Variants in SPIDR observed in about 807,000 individuals in gnomAD.
SPIDR encodes scaffold protein involved in DNA repair, also known as DNA repair-scaffolding protein.
In SPIDR, 93 loss-of-function variants were observed where a neutral mutation model predicts 104.6. The observed-to-expected ratio is 0.89, with a 90% confidence interval of 0.75 to 1.06. SPIDR has a LOEUF of 1.06. Ranked by LOEUF, SPIDR falls within the 50% of genes least tolerant of loss-of-function variation. SPIDR has a pLI of 0.00. For synonymous variants in SPIDR, 431 were observed against 416.9 expected (o/e 1.03, Z -0.41); for missense variants, 1,154 against 1,111.2 (o/e 1.04, Z -0.55).
chr8:47,659,014 T>C (rs1197779589), intron 10 of SPIDR, among the ~76,000 whole-genome samples: 1 of 151,350 alleles, frequency 6.6e-6, no homozygotes, highest in African/African-American at 2.4e-5. Flanking sequence ...TCCCAGCACA[T>C]TGGGAGGCTG....
At chr8:47,562,027 C>T (rs548272475) in intron 8 of SPIDR, among the ~76,000 whole-genome samples, 2 of 152,134 alleles carry the variant, frequency 1.3e-5, no homozygotes, top group Non-Finnish European at 2.9e-5. Context: ...TTATAATGTT[C>T]ACTTCTTTTA....
At chr8:47,372,805 T>C (rs2058196585) in intron 5 of SPIDR, among the ~76,000 whole-genome samples, 1 of 152,212 alleles carries the variant, frequency 6.6e-6, no homozygotes, top group Non-Finnish European at 1.5e-5. Flanking sequence ...ATTGGGCTTC[T>C]AGTGTACCCA....
At chr8:47,733,441 T>C (rs1445075844) in intron 19 of SPIDR, among the ~76,000 whole-genome samples, 1 of 152,200 alleles carries the variant, frequency 6.6e-6, no homozygotes, top group Non-Finnish European at 1.5e-5. Flanking sequence ...TAGCCAAACC[T>C]AACATTTTAC....
At chr8:47,520,126 T>G (rs2083829592) in intron 8 of SPIDR, among the ~76,000 whole-genome samples, 1 of 152,214 alleles carries the variant, frequency 6.6e-6, no homozygotes, top group African/African-American at 2.4e-5. Flanking sequence ...TGTTATTTGA[T>G]TCCCACTTAG....
intron 10 of SPIDR, chr8:47,673,574 G>A: frequency 1.7e-6 from 1 of 589,278 alleles, no homozygotes; most frequent in South Asian, 1.7e-5. Flanking sequence ...CATACAGAAA[G>A]GATATCTTGA....
chr8:47,598,112 A>G (rs991688467), intron 9 of SPIDR, among the ~76,000 whole-genome samples: 1 of 152,258 alleles, frequency 6.6e-6, no homozygotes, highest in Non-Finnish European at 1.5e-5. Context: ...CCCAGAGCAC[A>G]TTACTGTTTT....
chr8:47,611,919 G>A (rs774929468), intron 10 of SPIDR, among the ~76,000 whole-genome samples: 2 of 152,174 alleles, frequency 1.3e-5, no homozygotes, highest in Non-Finnish European at 2.9e-5. Context: ...GAGCCGTCAA[G>A]AGGTAGCTTG....
At position 47,688,016 on chromosome 8, in the gene SPIDR, AG is replaced by A. The variant is rs1221065103; in HGVS notation, c.1686-12386del. Among the ~76,000 whole-genome samples the A allele has an allele frequency of 3.3e-3, 478 of 145,762 alleles. 7 individuals are homozygous for A. Among genetic ancestry groups the A allele is most frequent in the African/African-American group, 0.011 (451 of 39,852 alleles). On this transcript the variant is annotated intron_variant, in intron 11 of 19. Coordinates refer to ENST00000297423, the MANE Select transcript of SPIDR (RefSeq NM_001080394.4). ...TGAGACCTGGCTGTCAAAAAAAAAA[AG>A]TGTGTGTGTGTGTGTGTGTGTGTGT...
chr8:47,486,048 C>A (rs1554730959), intron 8 of SPIDR, among the ~76,000 whole-genome samples: 1 of 152,180 alleles, frequency 6.6e-6, no homozygotes, highest in African/African-American at 2.4e-5. Context: ...GATGATCAAA[C>A]TTCTCTGAGC....
chr8:47,511,350 G>C, intron 8 of SPIDR: 1 of 1,103,968 alleles, frequency 9.1e-7, no homozygotes, highest in East Asian at 2.3e-5. Flanking sequence ...TCAACACCTA[G>C]GGGGCAGTGC....
chr8:47,418,571 A>T (rs779144498), intron 7 of SPIDR, among the ~76,000 whole-genome samples: 84 of 152,278 alleles, frequency 5.5e-4, no homozygotes, highest in Non-Finnish European at 7.8e-4. Context: ...GCAAACAGGG[A>T]CAATTTGACT....
At chr8:47,337,944 C>G (rs1473141712) in intron 5 of SPIDR, among the ~76,000 whole-genome samples, 1 of 152,148 alleles carries the variant, frequency 6.6e-6, no homozygotes, top group Non-Finnish European at 1.5e-5. Flanking sequence ...GTCTATATGT[C>G]TATCCTCATG....
chr8:47,403,888 G>A (rs561463778), intron 6 of SPIDR, among the ~76,000 whole-genome samples: 1 of 152,264 alleles, frequency 6.6e-6, no homozygotes, highest in South Asian at 2.1e-4. Flanking sequence ...GAGCCGCATT[G>A]CCAAGACAAT....
intron 8 of SPIDR, chr8:47,511,539 T>C (rs1564188977): frequency 1.3e-6 from 1 of 781,908 alleles, no homozygotes; most frequent in East Asian, 2.4e-5. Flanking sequence ...CGGATGGGTC[T>C]CAGTAGCTTC....
At chr8:47,462,408 A>G (rs935988858) in intron 8 of SPIDR, among the ~76,000 whole-genome samples, 2 of 152,124 alleles carry the variant, frequency 1.3e-5, no homozygotes, top group African/African-American at 4.8e-5. Context: ...TCTGGAGCCA[A>G]AGTTCATGAT....
intron 8 of SPIDR, among the ~76,000 whole-genome samples, chr8:47,578,445 C>T (rs1448083882): frequency 1.3e-5 from 2 of 151,972 alleles, no homozygotes; most frequent in African/African-American, 4.8e-5. Flanking sequence ...GCACTCCAGC[C>T]TGGGCAGCAG....
At chr8:47,472,611 T>C (rs1256572479) in intron 8 of SPIDR, among the ~76,000 whole-genome samples, 3 of 152,222 alleles carry the variant, frequency 2.0e-5, no homozygotes, top group Non-Finnish European at 4.4e-5. Context: ...TCTGAAAGAA[T>C]GTGAGTTATT....
intron 5 of SPIDR, among the ~76,000 whole-genome samples, chr8:47,317,285 A>G (rs1318780442): frequency 6.6e-6 from 1 of 152,164 alleles, no homozygotes; most frequent in Admixed American, 6.5e-5. Flanking sequence ...GTCTTAGCAG[A>G]TGGCACACCA....
chr8:47,514,792 T>C (rs1314178532), intron 8 of SPIDR, among the ~76,000 whole-genome samples: 1 of 152,220 alleles, frequency 6.6e-6, no homozygotes, highest in Non-Finnish European at 1.5e-5. Flanking sequence ...TATATTTGTA[T>C]GTGCTTTGAG....
Sources: allele counts gnomAD v4.1 joint callset (sites outside exome capture counted in the v4.1 genomes callset), GRCh38; gene constraint gnomAD v4.1.1; transcripts MANE v1.5; gene names NCBI Gene and HGNC (gene_info 2026-07-23, HGNC 2026-07-21).